STK3: variants seen among roughly 807,000 people sequenced by gnomAD.
STK3 encodes the protein serine/threonine-protein kinase 3.
A neutral mutation model predicts 58.0 loss-of-function variants in STK3; 41 were observed. The observed-to-expected ratio is 0.71, with a 90% confidence interval of 0.55 to 0.92. The LOEUF is 0.92. Among genes scored for constraint, STK3 ranks in the 40% least tolerant of loss-of-function variants. The pLI, the probability that STK3 is intolerant of heterozygous loss-of-function variation, is 0.00. For synonymous variants in STK3, 170 were observed against 191.0 expected (o/e 0.89, Z 0.91); for missense variants, 479 against 602.7 (o/e 0.79, Z 2.15).
chr8:98,873,269 A>T (rs993422770), intron 3 of STK3, among the ~76,000 whole-genome samples: 8 of 152,164 alleles, frequency 5.3e-5, no homozygotes, highest in African/African-American at 1.9e-4. Context: ...CTACGTGGTC[A>T]ATTTTGGAAT....
At chr8:98,574,263 TAAG>T (rs2131700304) in intron 8 of STK3, among the ~76,000 whole-genome samples, 1 of 152,290 alleles carries the variant, frequency 6.6e-6, no homozygotes, top group South Asian at 2.1e-4. Context: ...GAGATAAGCT[TAAG>T]AAACGACAAT....
chr8:98,738,760 C>A (rs1320563849), intron 4 of STK3, among the ~76,000 whole-genome samples: 2 of 152,234 alleles, frequency 1.3e-5, no homozygotes, highest in African/African-American at 4.8e-5. Flanking sequence ...GTGCAGCGCA[C>A]CGTGTGCGAG....
rs1819412946 is a variant in STK3 at position 98,455,286 on chromosome 8, C to T, written c.*556G>A. ...CATTATTGCTTTCCTATTTGAAAAA[C>T]TATCCTGGAAATCAAGGAATGTACC... On this transcript the variant is annotated 3_prime_UTR_variant, in exon 11 of 11. Coordinates refer to ENST00000419617, the MANE Select transcript of STK3 (RefSeq NM_006281.4). 2 of 152,246 alleles carry T rather than the reference C, an allele frequency of 1.3e-5. No homozygotes were observed. Among genetic ancestry groups the T allele is most frequent in the South Asian group, 4.2e-4 (2 of 4,816 alleles). 9.4% of individuals were successfully genotyped at this position (152,246 alleles called of 1,614,324 possible).
intron 3 of STK3, chr8:98,413,781 C>T: frequency 3.1e-6 from 2 of 648,938 alleles, no homozygotes; most frequent in South Asian, 1.5e-5. Flanking sequence ...CCATCGTCAT[C>T]CATCTTCTCC....
the STK3 span, among the ~76,000 whole-genome samples, chr8:98,365,381 T>A: frequency 2.6e-5 from 4 of 152,178 alleles, no homozygotes; most frequent in Non-Finnish European, 5.9e-5. Flanking sequence ...GTTGTTCCCA[T>A]GATTGATGAC....
At chr8:98,651,651 C>G (rs1012372613) in intron 6 of STK3, 1 of 152,152 alleles carries the variant, frequency 6.6e-6, no homozygotes, top group African/African-American at 2.4e-5. Flanking sequence ...CTTAAAGGAG[C>G]TGATGGAGCT....
chr8:98,768,442 G>A (rs1294377925), intron 2 of STK3, among the ~76,000 whole-genome samples: 2 of 152,056 alleles, frequency 1.3e-5, no homozygotes, highest in Non-Finnish European at 2.9e-5. Flanking sequence ...AAGTGATAAC[G>A]CGGCTACTTC....
At chr8:98,434,072 A>C (rs1818399424) in intron 3 of STK3, 1 of 152,210 alleles carries the variant, frequency 6.6e-6, no homozygotes, top group Non-Finnish European at 1.5e-5. Flanking sequence ...TGGGCCCCAG[A>C]AGGGGCCCTG....
chr8:98,713,430 A>T (rs1194229646), intron 4 of STK3, among the ~76,000 whole-genome samples: 1 of 152,226 alleles, frequency 6.6e-6, no homozygotes, highest in Non-Finnish European at 1.5e-5. Flanking sequence ...GCAATAAAAA[A>T]ATGATAAAGG....
chr8:98,652,368 T>C (rs1023014436), intron 6 of STK3, among the ~76,000 whole-genome samples: 2 of 152,202 alleles, frequency 1.3e-5, no homozygotes, highest in African/African-American at 4.8e-5. Flanking sequence ...TACCAGCCAC[T>C]ACAAAATCAT....
chr8:98,581,711 G>A (rs748635958), intron 7 of STK3, among the ~76,000 whole-genome samples: 2 of 151,422 alleles, frequency 1.3e-5, no homozygotes, highest in Non-Finnish European at 2.9e-5. Context: ...CTGGGTTGTT[G>A]GCTTCTCCAC....
chr8:98,903,556 C>CTTCTTCTT (rs200556218), intron 1 of STK3, among the ~76,000 whole-genome samples: 3,731 of 50,454 alleles, frequency 0.074, 254 homozygotes, highest in East Asian at 0.087. Flanking sequence ...TCTTCTTCTT[C>CTTCTTCTT]CTTTTTTTTT....
downstream of STK3, among the ~76,000 whole-genome samples, chr8:98,401,094 G>A (rs143294308): frequency 3.8e-3 from 573 of 152,158 alleles, 4 homozygotes; most frequent in African/African-American, 0.013. Context: ...TCTCTCTCTC[G>A]GGACACATGC....
chr8:98,563,230 G>A (rs891396447), intron 8 of STK3, among the ~76,000 whole-genome samples: 5 of 152,074 alleles, frequency 3.3e-5, no homozygotes, highest in African/African-American at 1.2e-4. Context: ...CACTATACAT[G>A]TATACTGGAG....
intron 10 of STK3, among the ~76,000 whole-genome samples, chr8:98,526,217 T>C (rs1479867928): frequency 6.6e-6 from 1 of 151,926 alleles, no homozygotes; most frequent in African/African-American, 2.4e-5. Context: ...TGTAACAAAA[T>C]AGGTGATAAG....
intron 10 of STK3, among the ~76,000 whole-genome samples, chr8:98,468,926 T>C (rs1191769696): frequency 1.3e-5 from 2 of 151,968 alleles, no homozygotes; most frequent in Non-Finnish European, 2.9e-5. Flanking sequence ...CTGGACAACA[T>C]GGTGAAACCC....
chr8:98,356,751 A>G, the STK3 span, among the ~76,000 whole-genome samples: 1 of 152,242 alleles, frequency 6.6e-6, no homozygotes, highest in African/African-American at 2.4e-5. Flanking sequence ...TTATTTGTCA[A>G]TGTTTTTATA....
chr8:98,365,010 G>T, the STK3 span, among the ~76,000 whole-genome samples: 1 of 152,142 alleles, frequency 6.6e-6, no homozygotes, highest in Non-Finnish European at 1.5e-5. Flanking sequence ...TAGCGTTGGG[G>T]TAGTAATGAC....
intron 4 of STK3, among the ~76,000 whole-genome samples, chr8:98,735,838 A>G (rs1828536475): frequency 6.6e-6 from 1 of 152,186 alleles, no homozygotes. Context: ...ACTTAATTCT[A>G]TGCCTTCATC....
Sources: gnomAD v4.1 joint callset for allele counts (sites outside exome capture counted in the v4.1 genomes callset) on GRCh38, gnomAD v4.1.1 for gene constraint, MANE v1.5 for transcripts, NCBI Gene and HGNC (gene_info 2026-07-23, HGNC 2026-07-21) for gene names.